ARID1B: variants seen among roughly 807,000 people sequenced by gnomAD.
ARID1B encodes AT-rich interaction domain 1B, also known as AT-rich interactive domain-containing protein 1B.
In ARID1B, 30 loss-of-function variants were observed where a neutral mutation model predicts 212.3. The ratio of observed to expected loss-of-function variants is 0.14; its 90% CI spans 0.11 to 0.19. The LOEUF (loss-of-function observed/expected upper bound fraction) is 0.19, where lower values mean the gene tolerates loss of function less well. ARID1B is among the 10% of genes least tolerant of loss of function. The probability of loss-of-function intolerance (pLI) is 1.00; values close to 1 mark genes in which losing one functional copy is unlikely to be tolerated. For synonymous variants in ARID1B, 1,402 were observed against 1,301.7 expected (o/e 1.08, Z -1.66); for missense variants, 2,891 against 3,204.0 (o/e 0.90, Z 2.36).
intron 4 of ARID1B, among the ~76,000 whole-genome samples, chr6:156,993,390 G>A (rs1490052244): frequency 6.6e-6 from 1 of 152,176 alleles, no homozygotes; most frequent in Admixed American, 6.6e-5. Flanking sequence ...AAGGATAGGG[G>A]AAATTTCTTT....
intron 4 of ARID1B, among the ~76,000 whole-genome samples, chr6:157,049,066 C>A (rs1026507474): frequency 5.9e-5 from 9 of 151,572 alleles, no homozygotes; most frequent in East Asian, 1.9e-4. Flanking sequence ...CCCAGCTACT[C>A]AGGAGGCTGA....
intron 5 of ARID1B, among the ~76,000 whole-genome samples, chr6:157,102,409 G>A (rs1400960100): frequency 6.6e-6 from 1 of 152,124 alleles, no homozygotes; most frequent in Non-Finnish European, 1.5e-5. Context: ...ACTTTTGCCT[G>A]CATTAAGTGC....
At chr6:156,871,551 G>T in intron 2 of ARID1B, 1 of 1,480,978 alleles carries the variant, frequency 6.8e-7, no homozygotes, top group African/African-American at 1.4e-5. Flanking sequence ...ACAGGGCCAA[G>T]ATGGGAATCC....
chr6:156,948,496 G>A lies in ARID1B; in HGVS notation c.2247+12920G>A, dbSNP rs115682808. Among the ~76,000 whole-genome samples, 482 of 152,230 alleles carry A rather than the reference G, an allele frequency of 3.2e-3. 3 individuals carry two copies. The highest frequency in any genetic ancestry group is 9.3e-3 in the African/African-American group (385 of 41,538). ...CTCATGTGGTCCTCCCACCTCTGCCGCCCGCCCAAGTGCTGGAATTGCAGA... is the reference window on the plus strand; with the variant it reads ...CTCATGTGGTCCTCCCACCTCTGCCACCCGCCCAAGTGCTGGAATTGCAGA... On this transcript the variant is annotated intron_variant, in intron 4 of 19. Coordinates refer to ENST00000636930, the MANE Select transcript of ARID1B (RefSeq NM_001374828.1).
At chr6:156,960,256 G>A (rs545956513) in intron 4 of ARID1B, among the ~76,000 whole-genome samples, 12 of 151,932 alleles carry the variant, frequency 7.9e-5, no homozygotes, top group Non-Finnish European at 1.6e-4. Flanking sequence ...TTTAAACCAC[G>A]ACCAAAACAG....
At chr6:156,776,389 A>G (rs962111234), upstream of ARID1B, 2 of 152,202 alleles carry the variant, frequency 1.3e-5, no homozygotes, top group Non-Finnish European at 2.9e-5. Flanking sequence ...TTATTATTGA[A>G]GTTATATTTA....
chr6:157,130,168 CAA>C (rs879260125), intron 6 of ARID1B, among the ~76,000 whole-genome samples: 3 of 125,874 alleles, frequency 2.4e-5, no homozygotes, highest in Non-Finnish European at 3.4e-5. Context: ...GACTCCATCT[CAA>C]AAAAAAAAAA....
At chr6:156,897,289 T>TTC in intron 2 of ARID1B, among the ~76,000 whole-genome samples, 1 of 148,036 alleles carries the variant, frequency 6.8e-6, no homozygotes, top group East Asian at 2.0e-4. Flanking sequence ...ATTATTATTA[T>TTC]TTGAGACAGA....
chr6:156,833,199 T>A (rs949068311), intron 2 of ARID1B, among the ~76,000 whole-genome samples: 3 of 152,138 alleles, frequency 2.0e-5, no homozygotes, highest in African/African-American at 2.4e-5. Context: ...TACTAGAATC[T>A]GACTCTGAGT....
At chr6:157,058,420 A>G (rs62424289) in intron 4 of ARID1B, among the ~76,000 whole-genome samples, 42,213 of 151,916 alleles carry the variant, frequency 0.28, 6,175 homozygotes, top group Non-Finnish European at 0.32. Flanking sequence ...ACACACCACC[A>G]TGCTGGGCTA....
At chr6:157,007,486 T>C (rs1300076446) in intron 4 of ARID1B, among the ~76,000 whole-genome samples, 1 of 152,228 alleles carries the variant, frequency 6.6e-6, no homozygotes, top group African/African-American at 2.4e-5. Flanking sequence ...ATTTTGGCAA[T>C]GTTTTGTTAA....
At chr6:156,959,420 T>C (rs1011143832) in intron 4 of ARID1B, among the ~76,000 whole-genome samples, 2 of 152,244 alleles carry the variant, frequency 1.3e-5, no homozygotes, top group African/African-American at 4.8e-5. Flanking sequence ...TTATTTTTAC[T>C]GCTTTTCCTC....
chr6:156,885,569 A>G (rs906540504), intron 2 of ARID1B, among the ~76,000 whole-genome samples: 3 of 152,058 alleles, frequency 2.0e-5, no homozygotes, highest in African/African-American at 2.4e-5. Context: ...TTTCTGACCA[A>G]TCTTTTGGGT....
intron 8 of ARID1B, chr6:157,164,811 A>T (rs1791208620): frequency 6.6e-6 from 1 of 152,238 alleles, no homozygotes. Flanking sequence ...TTCAGGAAGG[A>T]TGACAAGGAC....
chr6:157,136,310 A>G (rs1788904609), intron 7 of ARID1B, among the ~76,000 whole-genome samples: 1 of 152,150 alleles, frequency 6.6e-6, no homozygotes, highest in African/African-American at 2.4e-5. Context: ...GTAAATGAGA[A>G]CACCAAAGCC....
chr6:157,108,692 G>GTT (rs1786669176), intron 5 of ARID1B, among the ~76,000 whole-genome samples: 1 of 152,148 alleles, frequency 6.6e-6, no homozygotes, highest in East Asian at 1.9e-4. Flanking sequence ...AATGTTAGGT[G>GTT]TTTTTTACTT....
intron 7 of ARID1B, among the ~76,000 whole-genome samples, chr6:157,145,971 A>T (rs890730055): frequency 3.9e-5 from 6 of 152,160 alleles, no homozygotes; most frequent in African/African-American, 1.4e-4. Flanking sequence ...TATTAATCCA[A>T]TCCTACCTCT....
intron 1 of ARID1B, among the ~76,000 whole-genome samples, chr6:156,807,424 TAG>T (rs1301929709): frequency 6.6e-6 from 1 of 150,936 alleles, no homozygotes; most frequent in African/African-American, 2.5e-5. Flanking sequence ...TTCCCCCCAC[TAG>T]AGTTTTGAGG....
chr6:157,130,730 T>G (rs1279205278), intron 6 of ARID1B, among the ~76,000 whole-genome samples: 1 of 152,202 alleles, frequency 6.6e-6, no homozygotes, highest in African/African-American at 2.4e-5. Context: ...TTTAACCTCC[T>G]TAAGCCAAAC....
Sources: gnomAD v4.1 joint callset for allele counts (sites outside exome capture counted in the v4.1 genomes callset) on GRCh38, gnomAD v4.1.1 for gene constraint, MANE v1.5 for transcripts, NCBI Gene and HGNC (gene_info 2026-07-23, HGNC 2026-07-21) for gene names.